The following STXBP5 variants were observed in gnomAD, a reference collection of about 807,000 sequenced individuals.
STXBP5 encodes syntaxin binding protein 5.
A neutral mutation model predicts 152.4 loss-of-function variants in STXBP5; 50 were observed. The observed-to-expected ratio is 0.33, with a 90% CI of 0.26 to 0.42. The LOEUF (loss-of-function observed/expected upper bound fraction) is 0.42, where lower values mean the gene tolerates loss of function less well. Among genes scored for constraint, STXBP5 ranks in the 10% least tolerant of loss-of-function variants. The probability of loss-of-function intolerance (pLI) is 1.00; values close to 1 mark genes in which losing one functional copy is unlikely to be tolerated. For missense variants in STXBP5, 1,167 were observed against 1,388.6 expected (o/e 0.84, Z 2.54); for synonymous variants, 492 against 494.7 (o/e 0.99, Z 0.07).
At position 147,206,002 on chromosome 6, in the gene STXBP5, C is replaced by T. The variant is rs1180969405; in HGVS notation, c.182C>T (p.Ser61Leu). ...TVRHGFPYQPSALAFDPVQKI... is the reference protein window; with the variant it reads ...TVRHGFPYQPLALAFDPVQKI... ...CGCCATGGATTTCCCTATCAACCCT[C>T]AGCCCTGGCCTTTGATCCTGTACAG... The change falls in exon 2 of 28, where the codon TCA becomes TTA. Residue 61 changes from serine (S) to leucine (L), a missense_variant. Ser to Leu is a moderately radical substitution (Grantham distance 145). Transcript: ENST00000321680. 6.2e-6 allele frequency: 10 copies of T among 1,614,160 alleles called. No individual in the cohort carries two copies. The highest frequency in any genetic ancestry group is 8.5e-6 in the Non-Finnish European group (10 of 1,180,012).
intron 22 of STXBP5, among the ~76,000 whole-genome samples, chr6:147,357,637 C>T (rs540942351): frequency 1.3e-5 from 2 of 151,862 alleles, no homozygotes; most frequent in East Asian, 1.9e-4. Flanking sequence ...GAGGAGAACC[C>T]GAACTTAGGA....
chr6:147,367,970 A>AG (rs1370545748), intron 25 of STXBP5, among the ~76,000 whole-genome samples: 12 of 152,154 alleles, frequency 7.9e-5, no homozygotes, highest in Non-Finnish European at 1.3e-4. Flanking sequence ...TGAAAAAAAA[A>AG]TAGATAACCG....
At chr6:147,230,570 T>C (rs945548642) in intron 2 of STXBP5, among the ~76,000 whole-genome samples, 3 of 151,970 alleles carry the variant, frequency 2.0e-5, no homozygotes, top group Non-Finnish European at 2.9e-5. Context: ...ACGTTGATTA[T>C]AAATATATGT....
intron 9 of STXBP5, among the ~76,000 whole-genome samples, chr6:147,301,071 C>G (rs1329809503): frequency 1.3e-5 from 2 of 151,938 alleles, no homozygotes; most frequent in African/African-American, 4.8e-5. Flanking sequence ...CACTAATCAT[C>G]AGGGAAATAC....
At chr6:147,251,457 G>A (rs1227043566) in intron 4 of STXBP5, among the ~76,000 whole-genome samples, 2 of 152,142 alleles carry the variant, frequency 1.3e-5, no homozygotes, top group Non-Finnish European at 2.9e-5. Flanking sequence ...CACTCCCCTG[G>A]AAAGGGGGCT....
intron 3 of STXBP5, among the ~76,000 whole-genome samples, chr6:147,235,940 G>A (rs143339070): frequency 4.6e-5 from 7 of 152,060 alleles, no homozygotes; most frequent in Non-Finnish European, 8.8e-5. Flanking sequence ...TGATAGAGAG[G>A]GAAAGCTAGT....
intron 4 of STXBP5, among the ~76,000 whole-genome samples, chr6:147,242,869 A>AG (rs1450916761): frequency 6.6e-5 from 10 of 152,292 alleles, no homozygotes; most frequent in Admixed American, 5.2e-4. Flanking sequence ...TATAGCATGT[A>AG]GCTTTTTTAG....
chr6:147,323,685 C>T (rs1301325462), intron 16 of STXBP5, among the ~76,000 whole-genome samples: 2 of 152,180 alleles, frequency 1.3e-5, no homozygotes, highest in African/African-American at 4.8e-5. Flanking sequence ...AGCCACTGCA[C>T]CCAGCCTGTC....
rs148631090 is a variant in STXBP5 at position 147,247,011 on chromosome 6, C to T, written c.431+7741C>T. Among the ~76,000 whole-genome samples, 122 of 152,242 alleles carry T rather than the reference C, an allele frequency of 8.0e-4. 2 individuals are homozygous for T. The highest frequency in any genetic ancestry group is 3.5e-3 in the South Asian group (17 of 4,822). On this transcript the variant is annotated intron_variant, in intron 4 of 27. Coordinates refer to ENST00000321680, the MANE Select transcript of STXBP5 (RefSeq NM_001127715.4). ...CTTATTATTTTATTACAGTACTGTG[C>T]TTTGCATATTTATAAAGCTTGTAAT... is the stretch of plus-strand genomic sequence containing the variant.
chr6:147,363,265 A>C, intron 23 of STXBP5, 70 bp from the exon 24 acceptor site: 1 of 1,439,274 alleles, frequency 6.9e-7, no homozygotes. Flanking sequence ...CTGTATGTCA[A>C]AGTTAGAATA....
chr6:147,278,782 A>AAACCAGGCTC (rs1392739805), intron 8 of STXBP5, among the ~76,000 whole-genome samples: 3 of 152,192 alleles, frequency 2.0e-5, no homozygotes, highest in Non-Finnish European at 2.9e-5. Flanking sequence ...AGTTTAGAGG[A>AAACCAGGCTC]AACCAGGCTC....
Position 147,362,069 on chromosome 6 carries a change from G to A in STXBP5, c.2546-1266G>A, listed in dbSNP as rs115867815. Among the ~76,000 whole-genome samples the A allele has an allele frequency of 5.4e-4, 82 of 152,074 alleles. No individual in the cohort carries two copies. The South Asian group carries it at 0.014, about 26-fold the overall frequency. On this transcript the variant is annotated intron_variant, in intron 23 of 27. Transcript: ENST00000321680. ...ACAAATACTTTAATATAAGTGTGTC[G>A]CATTGGACAGATATGTAGCTTTTGG...
intron 6 of STXBP5, among the ~76,000 whole-genome samples, chr6:147,265,913 A>C (rs1779871262): frequency 1.3e-5 from 2 of 151,954 alleles, no homozygotes; most frequent in African/African-American, 4.8e-5. Flanking sequence ...TTCGAATTAA[A>C]AAAAAAAAGT....
chr6:147,229,002 C>T (rs2115135252), intron 2 of STXBP5, among the ~76,000 whole-genome samples: 1 of 152,106 alleles, frequency 6.6e-6, no homozygotes, highest in South Asian at 2.1e-4. Flanking sequence ...TGTTGTTTCT[C>T]ATCTGTTAAA....
rs1312586777 is a variant in STXBP5, at chr6:147,390,084, G to A, written c.*5329G>A. The A allele has an allele frequency of 6.6e-6, 1 of 151,892 alleles. No individual in the cohort carries two copies. The highest frequency in any genetic ancestry group is 2.4e-5 in the African/African-American group (1 of 41,406). The allele number at this position is 151,892 out of a possible 1,614,324, so 9.4% of individuals were successfully genotyped here. A position where few individuals can be genotyped will look rare whatever the true frequency, so the allele number is the denominator to read the frequency against. On this transcript the variant is annotated 3_prime_UTR_variant, in exon 28 of 28. Transcript: ENST00000321680. Reference sequence around the variant, plus strand: ...AACTGTAACTTGCAGGTGTTTTTCAGTTGCTGCACTTTTTATTTAATCTTG... The same window carrying A: ...AACTGTAACTTGCAGGTGTTTTTCAATTGCTGCACTTTTTATTTAATCTTG...
At chr6:147,323,122 C>G (rs1323826002) in intron 16 of STXBP5, among the ~76,000 whole-genome samples, 1 of 150,648 alleles carries the variant, frequency 6.6e-6, no homozygotes, top group Non-Finnish European at 1.5e-5. Flanking sequence ...TACCCTACCT[C>G]TACTCAACCT....
At chr6:147,229,260 A>T (rs1321189684) in intron 2 of STXBP5, among the ~76,000 whole-genome samples, 1 of 152,034 alleles carries the variant, frequency 6.6e-6, no homozygotes, top group African/African-American at 2.4e-5. Flanking sequence ...GAATAATTCT[A>T]GTGTTTGCTT....
At chr6:147,371,491 A>G (rs1051036571) in intron 25 of STXBP5, among the ~76,000 whole-genome samples, 8 of 152,056 alleles carry the variant, frequency 5.3e-5, no homozygotes, top group African/African-American at 1.9e-4. Context: ...GGCACTTTAT[A>G]TGCTCATTAT....
chr6:147,383,132 A>G (rs1184946810), intron 27 of STXBP5, 134 bp downstream of exon 27: 1 of 1,052,882 alleles, frequency 9.5e-7, no homozygotes, highest in Non-Finnish European at 1.4e-6. Context: ...CAAGTTCCTG[A>G]TTTTTGCCAC....
Sources: allele counts gnomAD v4.1 joint callset (sites outside exome capture counted in the v4.1 genomes callset), GRCh38; gene constraint gnomAD v4.1.1; transcripts MANE v1.5; gene names NCBI Gene and HGNC (gene_info 2026-07-23, HGNC 2026-07-21).